Variants in PGCKA1 observed in about 807,000 individuals in gnomAD.
PGCKA1 encodes PDCD10 and GCKIII kinases-associated protein 1.
the PGCKA1 span, among the ~76,000 whole-genome samples, chr4:37,538,275 G>C: frequency 6.6e-6 from 1 of 152,146 alleles, no homozygotes; most frequent in African/African-American, 2.4e-5. Context: ...ACCCTCACCT[G>C]TCCTTGGTAA....
chr4:37,522,019 G>T, the PGCKA1 span, among the ~76,000 whole-genome samples: 1 of 151,946 alleles, frequency 6.6e-6, no homozygotes, highest in East Asian at 1.9e-4. Context: ...GCTTTTCTTG[G>T]ATTCCATTGG....
At chr4:37,562,895 C>T in the PGCKA1 span, among the ~76,000 whole-genome samples, 3 of 152,168 alleles carry the variant, frequency 2.0e-5, no homozygotes, top group African/African-American at 7.2e-5. Context: ...CAGCAGAGAT[C>T]TTCTACCTCT....
At chr4:37,499,581 G>A in the PGCKA1 span, among the ~76,000 whole-genome samples, 9 of 152,126 alleles carry the variant, frequency 5.9e-5, no homozygotes, top group African/African-American at 1.7e-4. Context: ...TTTCTAGTTC[G>A]TGTACATAGA....
chr4:37,457,620 G>A, the PGCKA1 span, among the ~76,000 whole-genome samples: 3 of 152,070 alleles, frequency 2.0e-5, no homozygotes, highest in Non-Finnish European at 4.4e-5. Context: ...GGTTATTAAC[G>A]TGCAATAAAT....
At chr4:37,538,513 A>G in the PGCKA1 span, among the ~76,000 whole-genome samples, 2 of 152,202 alleles carry the variant, frequency 1.3e-5, no homozygotes, top group Admixed American at 1.3e-4. Context: ...TTGTGCTGCA[A>G]AGAGAGAGAA....
the PGCKA1 span, among the ~76,000 whole-genome samples, chr4:37,472,383 A>G: frequency 1.3e-5 from 2 of 152,144 alleles, no homozygotes; most frequent in African/African-American, 2.4e-5. Flanking sequence ...TATCAACTCT[A>G]ACCAAATAAA....
the PGCKA1 span, among the ~76,000 whole-genome samples, chr4:37,567,116 A>G: frequency 6.6e-6 from 1 of 152,236 alleles, no homozygotes; most frequent in African/African-American, 2.4e-5. Context: ...GGATGCCAGA[A>G]ATATTATAGT....
At chr4:37,497,498 C>T in the PGCKA1 span, among the ~76,000 whole-genome samples, 1 of 152,100 alleles carries the variant, frequency 6.6e-6, no homozygotes, top group African/African-American at 2.4e-5. Context: ...TTCCCACCAG[C>T]AGTGTAGAGG....
chr4:37,560,820 T>C, the PGCKA1 span, among the ~76,000 whole-genome samples: 1 of 46,712 alleles, frequency 2.1e-5, no homozygotes, highest in African/African-American at 5.0e-5. Flanking sequence ...ATCCTAGATT[T>C]TCCCCCATTG....
the PGCKA1 span, among the ~76,000 whole-genome samples, chr4:37,499,433 G>T: frequency 2.0e-5 from 3 of 152,100 alleles, no homozygotes; most frequent in African/African-American, 7.2e-5. Context: ...GAATCTGTCT[G>T]GTCCTGGGCT....
the PGCKA1 span, among the ~76,000 whole-genome samples, chr4:37,506,165 G>T: frequency 6.6e-6 from 1 of 151,930 alleles, no homozygotes; most frequent in African/African-American, 2.4e-5. Context: ...ATTTATTTGG[G>T]TCTTCTCCCT....
At chr4:37,550,778 G>A in the PGCKA1 span, among the ~76,000 whole-genome samples, 15 of 152,238 alleles carry the variant, frequency 9.9e-5, no homozygotes, top group African/African-American at 3.4e-4. Context: ...AAGTCACTTC[G>A]TGTTATGTTT....
At chr4:37,496,786 A>G in the PGCKA1 span, among the ~76,000 whole-genome samples, 1 of 152,000 alleles carries the variant, frequency 6.6e-6, no homozygotes, top group East Asian at 1.9e-4. Flanking sequence ...GCAGTTTTTT[A>G]TAGTTTTCAT....
At chr4:37,496,680 A>C in the PGCKA1 span, among the ~76,000 whole-genome samples, 18 of 152,212 alleles carry the variant, frequency 1.2e-4, no homozygotes, top group Non-Finnish European at 2.9e-5. Flanking sequence ...TTGAATCTAT[A>C]AATTGCTTTG....
chr4:37,455,802 C>A, the PGCKA1 span, among the ~76,000 whole-genome samples: 763 of 152,314 alleles, frequency 5.0e-3, 6 homozygotes, highest in African/African-American at 0.017. Flanking sequence ...GGGCAGAGCA[C>A]AGGTAGGGCC....
At chr4:37,570,429 C>CAAAA in the PGCKA1 span, among the ~76,000 whole-genome samples, 6 of 117,570 alleles carry the variant, frequency 5.1e-5, no homozygotes, top group African/African-American at 1.9e-4. Flanking sequence ...ATGTTTCTGC[C>CAAAA]AAAAAAAAAA....
chr4:37,574,447 TTA>T, the PGCKA1 span, among the ~76,000 whole-genome samples: 1 of 152,134 alleles, frequency 6.6e-6, no homozygotes, highest in African/African-American at 2.4e-5. Flanking sequence ...TATTTTTATT[TTA>T]AGTTTTTAAA....
the PGCKA1 span, among the ~76,000 whole-genome samples, chr4:37,488,759 T>C: frequency 6.6e-6 from 1 of 152,098 alleles, no homozygotes; most frequent in African/African-American, 2.4e-5. Context: ...TTCAAGTGAT[T>C]ATCTCCCCGC....
chr4:37,543,567 C>T, the PGCKA1 span, among the ~76,000 whole-genome samples: 1 of 151,876 alleles, frequency 6.6e-6, no homozygotes, highest in Non-Finnish European at 1.5e-5. Context: ...CCTGGCTGGG[C>T]GCGGTGGCTC....
Sources: gnomAD v4.1 joint callset for allele counts (sites outside exome capture counted in the v4.1 genomes callset) on GRCh38, gnomAD v4.1.1 for gene constraint, MANE v1.5 for transcripts, NCBI Gene and HGNC (gene_info 2026-07-23, HGNC 2026-07-21) for gene names.